The following TAFAZZIN variants were observed in gnomAD, a reference collection of about 807,000 sequenced individuals.
TAFAZZIN encodes the protein tafazzin, phospholipid-lysophospholipid transacylase.
Under a neutral mutation model 27.3 loss-of-function variants are expected in TAFAZZIN, and 6 were observed. The ratio of observed to expected loss-of-function variants is 0.22; its 90% confidence interval spans 0.12 to 0.43. TAFAZZIN has a LOEUF of 0.43. TAFAZZIN is among the 20% of genes least tolerant of loss of function. The pLI, the probability that TAFAZZIN is intolerant of heterozygous loss-of-function variation, is 1.00. For missense variants in TAFAZZIN, 127 were observed against 244.5 expected, an observed-to-expected ratio of 0.52 and a Z score of 3.21; for synonymous variants, 79 against 96.2, an observed-to-expected ratio of 0.82 and a Z score of 1.04.
At chrX:154,412,001 C>A in intron 1 of TAFAZZIN, 49 bp downstream of exon 1, 10 of 1,200,554 alleles carry the variant, frequency 8.3e-6, no homozygotes, top group Non-Finnish European at 1.1e-5. Flanking sequence ...CCATGCCCGG[C>A]CGGAGGTGGG....
Position 154,411,635 on chromosome X carries a change from C to G in TAFAZZIN, c.-209C>G. 1 of 475,150 alleles carries G rather than the reference C, an allele frequency of 2.1e-6. No individual in the cohort carries two copies. The highest frequency in any genetic ancestry group is 4.2e-5 in the East Asian group (1 of 23,557). 39.2% of individuals were successfully genotyped at this position (475,150 alleles called of 1,213,427 possible). On this transcript the variant is annotated 5_prime_UTR_variant, in exon 1 of 11. Transcript: ENST00000601016. Reference sequence around the variant, plus strand: ...CCACGGCCTGTGACCCCGGCGACCGCTCCCCAGTGACGAGAGAGCGGGGCC... The same window carrying G: ...CCACGGCCTGTGACCCCGGCGACCGGTCCCCAGTGACGAGAGAGCGGGGCC...
chrX:154,420,061 C>T lies in TAFAZZIN; in HGVS notation c.613C>T (p.Leu205Phe), dbSNP rs782671998. 1.7e-6 allele frequency: 2 copies of T among 1,210,450 alleles called. No individual in the cohort carries two copies. Among genetic ancestry groups the T allele is most frequent in the South Asian group, 3.5e-5 (2 of 56,860 alleles). ...CGGGCGCCTGATTGCTGAGTGTCAT[C>T]TCAACCCCATCATCCTGCCCCTGTG... is the stretch of plus-strand genomic sequence containing the variant. Reference protein sequence around the residue: ...GIGRLIAECHLNPIILPLWHV... With the variant: ...GIGRLIAECHFNPIILPLWHV... Residue 205 changes from leucine (L) to phenylalanine (F), a missense_variant, in exon 8 of 11, where the codon CTC (leucine) becomes TTC (phenylalanine). Leu to Phe is a conservative substitution (Grantham distance 22). Transcript: ENST00000601016.
At chrX:154,416,166 G>A (rs1218338157) in intron 5 of TAFAZZIN, among the ~76,000 whole-genome samples, 3 of 111,786 alleles carry the variant, frequency 2.7e-5, no homozygotes, top group Admixed American at 9.5e-5. Flanking sequence ...TTGGGAGGCC[G>A]AGGCGGGTGG....
intron 2 of TAFAZZIN, chrX:154,412,485 C>A: frequency 2.6e-6 from 1 of 389,045 alleles, no homozygotes; most frequent in Non-Finnish European, 4.5e-6. Flanking sequence ...GCCTCCAGAA[C>A]CCTCTGTTCT....
At chrX:154,418,398 T>G (rs1557193507) in intron 5 of TAFAZZIN, 1 of 112,576 alleles carries the variant, frequency 8.9e-6, no homozygotes, top group Admixed American at 9.4e-5. Flanking sequence ...GTGATAGGGC[T>G]TCTTTACTCC....
intron 2 of TAFAZZIN, chrX:154,413,006 G>A: frequency 4.0e-6 from 2 of 500,788 alleles, no homozygotes; most frequent in African/African-American, 2.3e-5. Context: ...TCCAGGTGCA[G>A]TGATTAGTAA....
intron 4 of TAFAZZIN, 65 bp from the exon 5 acceptor site, chrX:154,414,036 C>A: frequency 1.4e-6 from 1 of 739,026 alleles, no homozygotes; most frequent in Non-Finnish European, 2.1e-6. Context: ...AGCTGCTGGC[C>A]CAAGGTCATG....
chrX:154,415,071 A>C (rs1282280022), intron 5 of TAFAZZIN, among the ~76,000 whole-genome samples: 2 of 107,023 alleles, frequency 1.9e-5, no homozygotes, highest in African/African-American at 6.8e-5. Context: ...CAGGAGGCTG[A>C]GGTGGGAGGA....
At chrX:154,415,880 CAAAAAAAAAA>C (rs140328432) in intron 5 of TAFAZZIN, among the ~76,000 whole-genome samples, 2 of 28,105 alleles carry the variant, frequency 7.1e-5, no homozygotes, top group African/African-American at 2.6e-4. Context: ...GACCTGGTCT[CAAAAAAAAAA>C]AAAAAAAAAA....
At chrX:154,414,792 C>T in intron 5 of TAFAZZIN, among the ~76,000 whole-genome samples, 1 of 109,357 alleles carries the variant, frequency 9.1e-6, no homozygotes, top group East Asian at 2.9e-4. Context: ...AATTCGAGAC[C>T]AGCCTAACCA....
chrX:154,415,705 A>G (rs1021765772), intron 5 of TAFAZZIN, among the ~76,000 whole-genome samples: 9 of 107,062 alleles, frequency 8.4e-5, no homozygotes, highest in African/African-American at 3.1e-4. Flanking sequence ...TAATGTGGCG[A>G]AACCCTGTCT....
At chrX:154,416,040 C>T (rs1188675853) in intron 5 of TAFAZZIN, among the ~76,000 whole-genome samples, 6 of 108,663 alleles carry the variant, frequency 5.5e-5, no homozygotes, top group African/African-American at 2.0e-4. Context: ...GGGTGGTTCA[C>T]CTGAGGTCAG....
chrX:154,416,511 A>G lies in TAFAZZIN; in HGVS notation c.460+2321A>G, dbSNP rs1379697278. Reference sequence around the variant, plus strand: ...AGGGCTAGGTGGACATGAGGAGCCCAGTTCAGGGCTGTCACAGTAGCTCCA... The same window carrying G: ...AGGGCTAGGTGGACATGAGGAGCCCGGTTCAGGGCTGTCACAGTAGCTCCA... On this transcript the variant is annotated intron_variant, in intron 5 of 10. Transcript: ENST00000601016. 5.4e-5 allele frequency among the ~76,000 whole-genome samples: 6 copies of G among 111,764 alleles called. No individual in the cohort carries two copies. In the Admixed American group the frequency reaches 5.7e-4, roughly 11 times the overall value.
In TAFAZZIN at chrX:154,415,484, ATAGGTAGGTGGG is replaced by A. The variant is rs1239628745; in HGVS notation, c.460+1310_460+1321del. On this transcript the variant is annotated intron_variant, in intron 5 of 10. Transcript: ENST00000601016. ...GGTAGGTAGGTAGGTAGATAGATAG[ATAGGTAGGTGGG>A]TAGGTAGGTGGGTAGATAGGTAGGT... Among the ~76,000 whole-genome samples, 8 of 111,390 alleles carry A rather than the reference ATAGGTAGGTGGG, an allele frequency of 7.2e-5. No individual in the cohort carries two copies. In the South Asian group the frequency reaches 1.1e-3, roughly 16 times the overall value.
At chrX:154,417,148 A>C (rs1370091984) in intron 5 of TAFAZZIN, among the ~76,000 whole-genome samples, 27 of 111,268 alleles carry the variant, frequency 2.4e-4, no homozygotes, top group African/African-American at 8.8e-4. Flanking sequence ...AAAAAAAAAA[A>C]CAAAAAATTA....
rs1339872314 is a variant in TAFAZZIN, at chrX:154,415,222, C to A, written c.460+1032C>A. On this transcript the variant is annotated intron_variant, in intron 5 of 10. Transcript: ENST00000601016. ...GATCCTGTCACCTCAGCCTCCTGAG[C>A]AGCTGGGACTAAGGAGTGTGCCCAG... is the stretch of plus-strand genomic sequence containing the variant. Among the ~76,000 whole-genome samples the A allele has an allele frequency of 4.6e-5, 5 of 109,000 alleles. No individual in the cohort carries two copies. The Admixed American group carries it at 4.9e-4, about 11-fold the overall frequency. The allele number at this position is 109,000 out of a possible 115,157, so 94.7% of individuals were successfully genotyped here. A position where few individuals can be genotyped will look rare whatever the true frequency, so the allele number is the denominator to read the frequency against.
Position 154,419,724 on chromosome X carries a change from C to T in TAFAZZIN, c.561C>T (p.Ser187=), listed in dbSNP as rs36005334. 1.6e-6 allele frequency: 2 copies of T among 1,212,177 alleles called. No homozygotes were observed. The highest frequency in any genetic ancestry group is 5.9e-5 in the East Asian group (2 of 33,843). The change falls in exon 7 of 11, where the codon TCC becomes TCT. Residue 187 remains serine, a synonymous_variant. Coordinates refer to ENST00000601016, the MANE Select transcript of TAFAZZIN (RefSeq NM_000116.5). Reference sequence around the variant, plus strand: ...CACCAGGGAAAGTGAACATGAGTTCCGAATTCCTGCGTTTCAAGTGGGGTA... The same window carrying T: ...CACCAGGGAAAGTGAACATGAGTTCTGAATTCCTGCGTTTCAAGTGGGGTA... ...IFPEGKVNMS[S]EFLRFKWGIG...
chrX:154,419,420 A>T (rs1162335593), intron 5 of TAFAZZIN, 123 bp from the exon 6 acceptor site: 6 of 743,376 alleles, frequency 8.1e-6, no homozygotes, highest in Non-Finnish European at 1.2e-5. Context: ...ATAGTCCCCA[A>T]CACATGGGCC....
chrX:154,413,585 C>T lies in TAFAZZIN; in HGVS notation c.370+18C>T, dbSNP rs375177577. 1.7e-5 allele frequency: 20 copies of T among 1,205,339 alleles called. No homozygotes were observed. The highest frequency in any genetic ancestry group is 1.0e-4 in the African/African-American group (6 of 57,278). ...GTGCCGAGGTGAGCTGCTCCTCCAG[C>T]GAGTGCAGGGAGGCACTTCTGGGGC... On this transcript the variant is annotated intron_variant, in intron 4 of 10. Coordinates refer to ENST00000601016, the MANE Select transcript of TAFAZZIN (RefSeq NM_000116.5).
Sources: allele counts gnomAD v4.1 joint callset (sites outside exome capture counted in the v4.1 genomes callset), GRCh38; gene constraint gnomAD v4.1.1; transcripts MANE v1.5; gene names NCBI Gene and HGNC (gene_info 2026-07-23, HGNC 2026-07-21).